Variants in RSPH14 observed in about 807,000 individuals in gnomAD.
RSPH14 encodes rhabdoid tumor deletion region gene 1.
RSPH14 carries 20 observed loss-of-function variants against 26.7 expected under a neutral mutation model. That is an observed-to-expected ratio of 0.75 (90% confidence interval 0.53 to 1.09). RSPH14 has a LOEUF of 1.09. Ranked by LOEUF, RSPH14 falls within the 50% of genes least tolerant of loss-of-function variation. RSPH14 has a pLI of 0.00. For synonymous variants in RSPH14, 177 were observed against 189.3 expected (o/e 0.93, Z 0.53); for missense variants, 449 against 457.2 (o/e 0.98, Z 0.16).
upstream of RSPH14, chr22:23,145,162 G>A (rs1366589708): frequency 6.7e-6 from 4 of 594,750 alleles, no homozygotes; most frequent in South Asian, 4.1e-5. Context: ...TCTCCCAGCC[G>A]AGCTGATCAC....
intron 4 of RSPH14, chr22:23,122,671 G>A (rs2070064173): frequency 5.0e-6 from 1 of 199,016 alleles, no homozygotes; most frequent in African/African-American, 2.3e-5. Flanking sequence ...ATGTGACGGG[G>A]GCTCCTGCAG....
At chr22:23,153,132 G>C in the RSPH14 span, 2 of 1,613,250 alleles carry the variant, frequency 1.2e-6, no homozygotes, top group Non-Finnish European at 1.7e-6. Context: ...ATAGCCTCCA[G>C]ATGTAAGTTG....
chr22:23,180,287 C>T, the RSPH14 span: 1 of 176,742 alleles, frequency 5.7e-6, no homozygotes, highest in Non-Finnish European at 1.2e-5. Context: ...GTCTTTTTTA[C>T]GGGGGACCCC....
chr22:23,153,352 G>A, the RSPH14 span, among the ~76,000 whole-genome samples: 1 of 152,110 alleles, frequency 6.6e-6, no homozygotes, highest in Non-Finnish European at 1.5e-5. Flanking sequence ...TCTGGGGAAG[G>A]TGCTCACAGC....
intron 4 of RSPH14, chr22:23,131,599 G>T: frequency 1.5e-6 from 2 of 1,303,220 alleles, no homozygotes; most frequent in African/African-American, 1.5e-5. Context: ...ATTGTAAGAG[G>T]ACTGGTTGAG....
intron 4 of RSPH14, among the ~76,000 whole-genome samples, chr22:23,092,643 G>A (rs1054697887): frequency 2.0e-5 from 3 of 152,162 alleles, no homozygotes; most frequent in African/African-American, 7.2e-5. Context: ...AAGACTGCAT[G>A]AGCAGCCCTT....
At chr22:23,155,202 A>T in the RSPH14 span, among the ~76,000 whole-genome samples, 3 of 152,210 alleles carry the variant, frequency 2.0e-5, no homozygotes, top group South Asian at 6.2e-4. Context: ...AGAAAAGTTC[A>T]ATTTTGATCA....
At chr22:23,103,351 G>A (rs772022245) in intron 4 of RSPH14, among the ~76,000 whole-genome samples, 142 of 152,280 alleles carry the variant, frequency 9.3e-4, no homozygotes, top group Non-Finnish European at 1.7e-3. Flanking sequence ...TGACTCCCAA[G>A]CATGGCGGGG....
intron 4 of RSPH14, chr22:23,133,019 A>C (rs1417383763): frequency 6.6e-6 from 1 of 152,196 alleles, no homozygotes; most frequent in African/African-American, 2.4e-5. Context: ...TGCAGATGCA[A>C]GTATTTTAGA....
chr22:23,161,505 G>T, the RSPH14 span: 1 of 1,611,106 alleles, frequency 6.2e-7, no homozygotes, highest in Non-Finnish European at 8.5e-7. Context: ...TACAGAAATG[G>T]AAGGGAGTCC....
chr22:23,114,056 A>G (rs1020046380), intron 4 of RSPH14, among the ~76,000 whole-genome samples: 1 of 152,200 alleles, frequency 6.6e-6, no homozygotes, highest in Admixed American at 6.5e-5. Flanking sequence ...AGGTGACAGC[A>G]TGAAGCTCAT....
At position 23,104,890 on chromosome 22, in the gene RSPH14, G is replaced by A. The variant is rs572778459; in HGVS notation, c.421+29136C>T. Among the ~76,000 whole-genome samples the A allele has an allele frequency of 2.0e-3, 309 of 152,330 alleles. 2 individuals are homozygous for A. The highest frequency in any genetic ancestry group is 7.1e-3 in the African/African-American group (295 of 41,570). ...GAATGACAGTCAGCTAGGGTGCATG[G>A]CCCTGGGCATCTCAGGGGGGACACC... On this transcript the variant is annotated intron_variant, in intron 4 of 6. Transcript: ENST00000216036.
intron 4 of RSPH14, among the ~76,000 whole-genome samples, chr22:23,077,466 G>A (rs2068537898): frequency 1.3e-5 from 2 of 152,190 alleles, no homozygotes; most frequent in Non-Finnish European, 2.9e-5. Flanking sequence ...GCCTCCTCTT[G>A]GATGTACACC....
chr22:23,132,815 T>C (rs2070384306), intron 4 of RSPH14: 1 of 152,076 alleles, frequency 6.6e-6, no homozygotes, highest in Non-Finnish European at 1.5e-5. Context: ...CACAGGAGTT[T>C]TGACCTGCTT....
the RSPH14 span, among the ~76,000 whole-genome samples, chr22:23,172,712 G>A: frequency 6.7e-6 from 1 of 150,322 alleles, no homozygotes; most frequent in Non-Finnish European, 1.5e-5. Context: ...CACTTTGGGA[G>A]GCCGAGGCAG....
At chr22:23,091,157 C>A (rs2068960475) in intron 4 of RSPH14, among the ~76,000 whole-genome samples, 1 of 152,222 alleles carries the variant, frequency 6.6e-6, no homozygotes, top group African/African-American at 2.4e-5. Flanking sequence ...TGCATGCACA[C>A]CCAAAGATGT....
chr22:23,111,308 C>G (rs373991210), intron 4 of RSPH14, among the ~76,000 whole-genome samples: 1 of 152,168 alleles, frequency 6.6e-6, no homozygotes, highest in African/African-American at 2.4e-5. Context: ...GGCTCTGTAC[C>G]GAGCAGGGGG....
rs1039297793 is a variant in RSPH14 at position 23,140,193 on chromosome 22, C to T, written c.199+29G>A. ...CCTGAAGCCATGCTAGGACCCCAGTCATGGTCACCTGTGCTGTGTCACGCT... is the reference window on the plus strand; with the variant it reads ...CCTGAAGCCATGCTAGGACCCCAGTTATGGTCACCTGTGCTGTGTCACGCT... On this transcript the variant is annotated intron_variant, in intron 2 of 6. Transcript: ENST00000216036. 8 of 1,610,328 alleles carry T rather than the reference C, an allele frequency of 5.0e-6. No individual in the cohort carries two copies. The African/African-American group carries it at 6.7e-5, about 13-fold the overall frequency.
In RSPH14 at chr22:23,061,842, C is replaced by G; in HGVS notation, c.757G>C (p.Gly253Arg). Residue 253 changes from glycine to arginine, a missense_variant, in exon 6 of 7, where the codon GGT becomes CGT. Physicochemically the swap from Gly to Arg is moderately radical, Grantham distance 125. Transcript: ENST00000216036. ...ATCACTGTGGCGAACATCAGGGCAC[C>G]GGCAGCGTTAGACTTCACATGCTCC... ...PVEHVKSNAAGALMFATVITE... is the reference protein window; with the variant it reads ...PVEHVKSNAARALMFATVITE... 1 of 1,614,084 alleles carries G rather than the reference C, an allele frequency of 6.2e-7. No homozygotes were observed. Among genetic ancestry groups the G allele is most frequent in the Non-Finnish European group, 8.5e-7 (1 of 1,180,004 alleles).
Sources: allele counts gnomAD v4.1 joint callset (sites outside exome capture counted in the v4.1 genomes callset), GRCh38; gene constraint gnomAD v4.1.1; transcripts MANE v1.5; gene names NCBI Gene and HGNC (gene_info 2026-07-23, HGNC 2026-07-21).